FAM120A: variants seen among roughly 807,000 people sequenced by gnomAD.
The protein encoded by FAM120A is constitutive coactivator of PPAR-gamma-like protein 1.
FAM120A carries 15 observed loss-of-function variants against 109.7 expected under a neutral mutation model. The ratio of observed to expected loss-of-function variants is 0.14; its 90% CI spans 0.09 to 0.21. The LOEUF (loss-of-function observed/expected upper bound fraction) is 0.21, where lower values mean the gene tolerates loss of function less well. FAM120A is among the 10% of genes least tolerant of loss of function. The probability of loss-of-function intolerance (pLI) is 1.00; values close to 1 mark genes in which losing one functional copy is unlikely to be tolerated. For missense variants in FAM120A, 899 were observed against 1,439.3 expected (o/e 0.62, Z 6.07); for synonymous variants, 493 against 572.8 (o/e 0.86, Z 1.99).
intron 11 of FAM120A, among the ~76,000 whole-genome samples, chr9:93,550,081 C>T (rs1265637683): frequency 2.0e-5 from 3 of 152,204 alleles, no homozygotes; most frequent in Non-Finnish European, 4.4e-5. Context: ...CTCCCGCTCA[C>T]CTTGTGGTAC....
In FAM120A at chr9:93,462,805, C is replaced by T. The variant is rs79657190; in HGVS notation, c.475-8336C>T. Among the ~76,000 whole-genome samples, 1,005 of 152,278 alleles carry T rather than the reference C, an allele frequency of 6.6e-3. 14 individuals carry two copies. The highest frequency in any genetic ancestry group is 0.023 in the African/African-American group (970 of 41,530). On this transcript the variant is annotated intron_variant, in intron 1 of 17. Transcript: ENST00000277165. ...TCGTATAGTATATGTAATTTTGTGT[C>T]TGGTTTATTGCATTTAACACAATGT...
intron 1 of FAM120A, among the ~76,000 whole-genome samples, chr9:93,453,795 T>C (rs183644927): frequency 1.3e-5 from 2 of 152,302 alleles, no homozygotes; most frequent in East Asian, 3.9e-4. Context: ...GGTGCTGCCA[T>C]TTGTCTGAAG....
chr9:93,494,430 A>G (rs540058302), intron 3 of FAM120A, among the ~76,000 whole-genome samples: 1 of 152,076 alleles, frequency 6.6e-6, no homozygotes, highest in Non-Finnish European at 1.5e-5. Flanking sequence ...CGTGGTTTCT[A>G]TTGCTCTCCA....
intron 1 of FAM120A, among the ~76,000 whole-genome samples, chr9:93,468,048 A>AT (rs1159043957): frequency 6.6e-6 from 1 of 151,602 alleles, no homozygotes; most frequent in Non-Finnish European, 1.5e-5. Flanking sequence ...CGCCTGGCTA[A>AT]TTTTTTTGTA....
At chr9:93,545,197 A>G (rs1861837388) in intron 11 of FAM120A, among the ~76,000 whole-genome samples, 1 of 152,144 alleles carries the variant, frequency 6.6e-6, no homozygotes, top group African/African-American at 2.4e-5. Context: ...GGGGGATGGC[A>G]TTTAGAAGCC....
intron 10 of FAM120A, among the ~76,000 whole-genome samples, chr9:93,540,986 T>C (rs1861676904): frequency 6.6e-6 from 1 of 152,046 alleles, no homozygotes; most frequent in Non-Finnish European, 1.5e-5. Context: ...CCTCTCTTTA[T>C]AACCCCTAGG....
intron 3 of FAM120A, among the ~76,000 whole-genome samples, chr9:93,480,629 T>TG (rs1238549222): frequency 2.0e-5 from 3 of 151,986 alleles, no homozygotes; most frequent in African/African-American, 4.8e-5. Context: ...GATACACTCC[T>TG]GGAATGCCTC....
At chr9:93,516,348 C>CT (rs1860586201) in intron 7 of FAM120A, 79 bp downstream of exon 7, 1 of 1,576,664 alleles carries the variant, frequency 6.3e-7, no homozygotes, top group African/African-American at 1.3e-5. Flanking sequence ...GCCAGCCCAG[C>CT]TGGTGTTTTG....
At chr9:93,512,402 A>G (rs980710131) in intron 5 of FAM120A, among the ~76,000 whole-genome samples, 3 of 152,250 alleles carry the variant, frequency 2.0e-5, no homozygotes, top group African/African-American at 7.2e-5. Flanking sequence ...GAGGGATTGC[A>G]GTGCATGTCT....
intron 1 of FAM120A, among the ~76,000 whole-genome samples, chr9:93,469,999 G>C (rs1015906558): frequency 6.6e-6 from 1 of 152,142 alleles, no homozygotes; most frequent in East Asian, 1.9e-4. Context: ...GTTAGCTTCT[G>C]GTCTCCTGTG....
intron 3 of FAM120A, among the ~76,000 whole-genome samples, chr9:93,493,989 G>A (rs1423301527): frequency 1.3e-5 from 2 of 152,146 alleles, no homozygotes; most frequent in Non-Finnish European, 2.9e-5. Flanking sequence ...AATTCCTAGC[G>A]GTTGCAGGTC....
intron 5 of FAM120A, among the ~76,000 whole-genome samples, chr9:93,504,215 A>C (rs1018696702): frequency 6.6e-6 from 1 of 152,066 alleles, no homozygotes; most frequent in Non-Finnish European, 1.5e-5. Context: ...AATAAGAAGA[A>C]TGTGGTTGAA....
intron 5 of FAM120A, among the ~76,000 whole-genome samples, chr9:93,510,214 C>T (rs1422204200): frequency 6.6e-6 from 1 of 152,184 alleles, no homozygotes; most frequent in Non-Finnish European, 1.5e-5. Context: ...CCTTTCGCTC[C>T]ATTTTCAGTG....
intron 7 of FAM120A, among the ~76,000 whole-genome samples, chr9:93,519,303 A>G (rs750931363): frequency 1.6e-4 from 24 of 152,102 alleles, no homozygotes; most frequent in Non-Finnish European, 2.8e-4. Flanking sequence ...GTGCAATTGC[A>G]TGATCTCGGC....
At chr9:93,542,632 C>T (rs1861746678) in intron 10 of FAM120A, among the ~76,000 whole-genome samples, 1 of 152,178 alleles carries the variant, frequency 6.6e-6, no homozygotes, top group Admixed American at 6.5e-5. Context: ...TGTGTGCTGG[C>T]ATCATCTGGG....
chr9:93,486,353 G>A (rs1859053533), intron 3 of FAM120A, among the ~76,000 whole-genome samples: 1 of 151,880 alleles, frequency 6.6e-6, no homozygotes, highest in Admixed American at 6.6e-5. Context: ...TCATCAGTTG[G>A]TAGACACTTG....
intron 12 of FAM120A, among the ~76,000 whole-genome samples, chr9:93,554,317 G>T (rs1037113325): frequency 6.6e-6 from 1 of 152,112 alleles, no homozygotes; most frequent in African/African-American, 2.4e-5. Context: ...AATGGTTTTG[G>T]TTACATTAGT....
chr9:93,556,628 A>G (rs1212003765), intron 13 of FAM120A, 37 bp downstream of exon 13: 3 of 1,564,436 alleles, frequency 1.9e-6, no homozygotes. Flanking sequence ...TTTAACTGCA[A>G]TGAAATAAAG....
chr9:93,491,824 A>G (rs190363818), intron 3 of FAM120A, among the ~76,000 whole-genome samples: 4 of 151,830 alleles, frequency 2.6e-5, no homozygotes, highest in African/African-American at 9.7e-5. Flanking sequence ...TTTTTTTTAA[A>G]TGTTAAGTTT....
Sources: allele counts gnomAD v4.1 joint callset (sites outside exome capture counted in the v4.1 genomes callset), GRCh38; gene constraint gnomAD v4.1.1; transcripts MANE v1.5; gene names NCBI Gene and HGNC (gene_info 2026-07-23, HGNC 2026-07-21).